Variants in TLL1 observed in about 807,000 individuals in gnomAD.
The protein encoded by TLL1 is tolloid like 1.
A neutral mutation model predicts 128.2 loss-of-function variants in TLL1; 49 were observed. The observed-to-expected ratio is 0.38, with a 90% CI of 0.30 to 0.48. TLL1 has a LOEUF of 0.48. Ranked by LOEUF, TLL1 falls within the 20% of genes least tolerant of loss-of-function variation. TLL1 has a pLI of 0.96. For missense variants in TLL1, 1,123 were observed against 1,242.0 expected (o/e 0.90, Z 1.44); for synonymous variants, 454 against 418.8 (o/e 1.08, Z -1.03).
intron 17 of TLL1, 26 bp downstream of exon 17, chr4:166,075,029 GACA>G: frequency 1.2e-6 from 2 of 1,611,350 alleles, no homozygotes; most frequent in Non-Finnish European, 1.7e-6. Context: ...CACTTTTTTT[GACA>G]ACATGTAGAA....
chr4:166,065,560 C>A, intron 15 of TLL1, 123 bp from the exon 16 acceptor site: 1 of 1,011,344 alleles, frequency 9.9e-7, no homozygotes, highest in Non-Finnish European at 1.5e-6. Context: ...TTTTCCTTAC[C>A]TGTTAGTTCT....
intron 15 of TLL1, among the ~76,000 whole-genome samples, chr4:166,060,576 G>A (rs1272461792): frequency 6.6e-6 from 1 of 152,106 alleles, no homozygotes; most frequent in Non-Finnish European, 1.5e-5. Context: ...TTTACTTATG[G>A]AAATGGGTAT....
rs1448647128 is a variant in TLL1, at chr4:166,099,278, G to C, written c.2658G>C (p.Glu886Asp). Residue 886 changes from glutamate (E) to aspartate (D), a missense_variant and splice_region_variant, in exon 20 of 21, where the codon GAG (glutamate) becomes GAC (aspartate). By Grantham distance (45) the Glu-to-Asp change is conservative (BLOSUM62 2). Around this residue, in one of 3 missense-constraint regions of TLL1, gnomAD observed 634 missense variants for 672.4 expected, o/e 0.94. Coordinates refer to ENST00000061240, the MANE Select transcript of TLL1 (RefSeq NM_012464.5). Reference protein sequence around the residue: ...RKGFQATHSTECGGRLKAESK... With the variant: ...RKGFQATHSTDCGGRLKAESK... ...ATCTTATTTTTCTTTCCTGGGCAGA[G>C]TGTGGCGGACGATTGAAAGCAGAAT... 1 of 1,613,510 alleles carries C rather than the reference G, an allele frequency of 6.2e-7. No homozygotes were observed.
chr4:166,091,017 T>G, intron 18 of TLL1, 111 bp from the exon 19 acceptor site: 1 of 818,884 alleles, frequency 1.2e-6, no homozygotes. Context: ...TGTGTTAAAT[T>G]ATTAGTATGC....
chr4:166,094,507 A>G (rs1369664581), intron 19 of TLL1, among the ~76,000 whole-genome samples: 1 of 152,064 alleles, frequency 6.6e-6, no homozygotes, highest in African/African-American at 2.4e-5. Flanking sequence ...CACGTGAGGA[A>G]CCCCAATCAC....
In TLL1 at chr4:166,091,178, C is replaced by G. The variant is rs1453135032; in HGVS notation, c.2493C>G (p.His831Gln). The G allele has an allele frequency of 6.2e-7, 1 of 1,613,124 alleles. No homozygotes were observed. The highest frequency in any genetic ancestry group is 2.2e-5 in the East Asian group (1 of 44,724). The change falls in exon 19 of 21, where the codon CAC becomes CAG. Residue 831 changes from histidine (H) to glutamine (Q), a missense_variant. This residue lies in a region of TLL1 where 634 missense variants were observed against 672.4 expected (regional missense o/e 0.94). Coordinates refer to ENST00000061240, the MANE Select transcript of TLL1 (RefSeq NM_012464.5). ...IEQHQECAYD[H>Q]LEVFDGETEK... is the part of the protein sequence containing the mutation. Reference sequence around the variant, plus strand: ...AGCATCAAGAATGTGCTTATGACCACTTAGAAGTATTTGATGGAGAAACAG... The same window carrying G: ...AGCATCAAGAATGTGCTTATGACCAGTTAGAAGTATTTGATGGAGAAACAG...
chr4:165,989,012 G>C (rs1736513330), intron 1 of TLL1, among the ~76,000 whole-genome samples: 1 of 152,068 alleles, frequency 6.6e-6, no homozygotes, highest in Admixed American at 6.6e-5. Context: ...GTGAAGACCT[G>C]CTGCTGGTCA....
At chr4:165,960,671 A>G (rs1038149298) in intron 1 of TLL1, among the ~76,000 whole-genome samples, 1 of 152,236 alleles carries the variant, frequency 6.6e-6, no homozygotes, top group Non-Finnish European at 1.5e-5. Context: ...TTTCAAATCA[A>G]TAAATGTAAT....
intron 1 of TLL1, among the ~76,000 whole-genome samples, chr4:165,926,149 A>T (rs569381866): frequency 3.9e-5 from 6 of 152,172 alleles, no homozygotes; most frequent in Non-Finnish European, 7.3e-5. Context: ...ATGGTATTTA[A>T]TGAGATTTGG....
chr4:165,973,833 T>G (rs1388702218), intron 1 of TLL1, among the ~76,000 whole-genome samples: 2 of 151,746 alleles, frequency 1.3e-5, no homozygotes, highest in African/African-American at 4.8e-5. Flanking sequence ...GCCCAGCTAA[T>G]TTTTGTATTT....
At chr4:165,912,563 T>A (rs1330608465) in intron 1 of TLL1, among the ~76,000 whole-genome samples, 1 of 152,226 alleles carries the variant, frequency 6.6e-6, no homozygotes, top group African/African-American at 2.4e-5. Flanking sequence ...TGGATTGGAA[T>A]CTGGAAATCT....
At chr4:165,990,453 T>G (rs2111011387) in intron 2 of TLL1, among the ~76,000 whole-genome samples, 1 of 152,094 alleles carries the variant, frequency 6.6e-6, no homozygotes, top group South Asian at 2.1e-4. Flanking sequence ...TTTGCCCAAT[T>G]TACTTTTTTT....
chr4:165,900,426 C>T (rs894208492), intron 1 of TLL1, among the ~76,000 whole-genome samples: 16 of 152,062 alleles, frequency 1.1e-4, no homozygotes, highest in African/African-American at 3.6e-4. Context: ...GTAAGGCAGG[C>T]CTGGTGGTGA....
In TLL1 at chr4:165,970,506, G is replaced by A. The variant is rs73863512; in HGVS notation, c.170-18875G>A. ...TTTCTCCTGGCAAGTGAAAGTGGAGGAGGAGGTTGGGTTAAAACCTTCTTT... is the reference window on the plus strand; with the variant it reads ...TTTCTCCTGGCAAGTGAAAGTGGAGAAGGAGGTTGGGTTAAAACCTTCTTT... On this transcript the variant is annotated intron_variant, in intron 1 of 20. Coordinates refer to ENST00000061240, the MANE Select transcript of TLL1 (RefSeq NM_012464.5). 5.4e-3 allele frequency among the ~76,000 whole-genome samples: 815 copies of A among 152,272 alleles called. 11 individuals carry two copies. Among genetic ancestry groups the A allele is most frequent in the African/African-American group, 0.018 (759 of 41,554 alleles).
At chr4:166,088,467 A>G (rs745786989) in intron 18 of TLL1, among the ~76,000 whole-genome samples, 31 of 152,042 alleles carry the variant, frequency 2.0e-4, no homozygotes, top group Admixed American at 1.8e-3. Context: ...CTGTGTGGGT[A>G]TCTTTACTAT....
At position 166,078,216 on chromosome 4, in the gene TLL1, C is replaced by G. The variant is rs144334374; in HGVS notation, c.2442+186C>G. On this transcript the variant is annotated intron_variant, in intron 18 of 20. Coordinates refer to ENST00000061240, the MANE Select transcript of TLL1 (RefSeq NM_012464.5). ...ACTTCCTAGATCAAGGTGACTGCCA[C>G]GTTGTTCTCCTCTAGGGTTTCTTAT... Among the ~76,000 whole-genome samples the G allele has an allele frequency of 6.3e-3, 957 of 152,178 alleles. 8 individuals are homozygous for G. Among genetic ancestry groups the G allele is most frequent in the African/African-American group, 0.022 (918 of 41,522 alleles).
chr4:166,043,229 G>C (rs1217303511), intron 11 of TLL1, 45 bp from the exon 12 acceptor site: 4 of 1,612,802 alleles, frequency 2.5e-6, no homozygotes, highest in Non-Finnish European at 3.4e-6. Flanking sequence ...AAATGAAATA[G>C]CATGTCCAGG....
At chr4:165,885,514 C>T (rs917253978) in intron 1 of TLL1, among the ~76,000 whole-genome samples, 1 of 152,180 alleles carries the variant, frequency 6.6e-6, no homozygotes, top group South Asian at 2.1e-4. Context: ...CATGACTTGT[C>T]TGCCAGAATT....
intron 17 of TLL1, 63 bp downstream of exon 17, chr4:166,075,066 C>T: frequency 1.2e-6 from 2 of 1,600,120 alleles, no homozygotes; most frequent in South Asian, 1.1e-5. Flanking sequence ...GGGTAAAGCA[C>T]TGCTTCCAAG....
Sources: allele counts gnomAD v4.1 joint callset (sites outside exome capture counted in the v4.1 genomes callset), GRCh38; gene constraint gnomAD v4.1.1; regional missense constraint gnomAD v4.1.1; transcripts MANE v1.5; gene names NCBI Gene and HGNC (gene_info 2026-07-23, HGNC 2026-07-21).